The following TOMM70 variants were observed in gnomAD, a reference collection of about 807,000 sequenced individuals.
The protein encoded by TOMM70 is mitochondrial import receptor subunit TOM70.
Under a neutral mutation model 73.6 loss-of-function variants are expected in TOMM70, and 13 were observed. The observed-to-expected ratio is 0.18, with a 90% CI of 0.11 to 0.28. TOMM70 has a LOEUF of 0.28. Ranked by LOEUF, TOMM70 falls within the 10% of genes least tolerant of loss-of-function variation. TOMM70 has a pLI of 1.00. For synonymous variants in TOMM70, 257 were observed against 271.2 expected (o/e 0.95, Z 0.51); for missense variants, 609 against 747.5 (o/e 0.81, Z 2.16).
intron 5 of TOMM70, among the ~76,000 whole-genome samples, chr3:100,378,924 A>G (rs1026003511): frequency 1.3e-5 from 2 of 151,978 alleles, no homozygotes; most frequent in African/African-American, 2.4e-5. Flanking sequence ...GGAGAATGGC[A>G]TGAACCCGGG....
In TOMM70 at chr3:100,400,624, AC is replaced by A; in HGVS notation, c.324+1del. On this transcript the variant is annotated splice_donor_variant, in intron 1 of 11. Coordinates refer to ENST00000284320, the MANE Select transcript of TOMM70 (RefSeq NM_014820.5). LOFTEE classifies it high-confidence loss of function. ...CCTCTACGGCCTGGGGCTGCTTCTC[AC>A]CATGTCCAAGTGAGCACCGGGACCT... The A allele has an allele frequency of 6.2e-7, 1 of 1,609,738 alleles. No homozygotes were observed. The highest frequency in any genetic ancestry group is 8.5e-7 in the Non-Finnish European group (1 of 1,178,616).
At chr3:100,371,225 A>G (rs1400581097) in intron 9 of TOMM70, among the ~76,000 whole-genome samples, 4 of 151,830 alleles carry the variant, frequency 2.6e-5, no homozygotes, top group African/African-American at 9.7e-5. Flanking sequence ...CATCCTTAAG[A>G]ATGGTTTAAG....
In TOMM70 at chr3:100,372,613, T is replaced by C. The variant is rs762819662; in HGVS notation, c.1445A>G (p.Tyr482Cys). Residue 482 changes from tyrosine (Y) to cysteine (C), a missense_variant, in exon 9 of 12, where the codon TAC becomes TGC. Physicochemically the swap from Tyr to Cys is radical, Grantham distance 194. Coordinates refer to ENST00000284320, the MANE Select transcript of TOMM70 (RefSeq NM_014820.5). ...FPRCAEGYALYAQALTDQQQF... is the reference protein window; with the variant it reads ...FPRCAEGYALCAQALTDQQQF... The stretch of plus-strand genomic sequence containing the variant: ...ACCTGAAAAAACATTTACCTGGGCG[T>C]ATAGTGCATAGCCTTCGGCACACCT... 2 of 1,610,778 alleles carry C rather than the reference T, an allele frequency of 1.2e-6. No individual in the cohort carries two copies. Among genetic ancestry groups the C allele is most frequent in the Non-Finnish European group, 1.7e-6 (2 of 1,178,446 alleles).
chr3:100,363,669 T>C lies in TOMM70; in HGVS notation c.*1895A>G, dbSNP rs1012134438. On this transcript the variant is annotated 3_prime_UTR_variant, in exon 12 of 12. Coordinates refer to ENST00000284320, the MANE Select transcript of TOMM70 (RefSeq NM_014820.5). ...CCCAAGATGAAAGAAGGGAGAAGAG[T>C]AGAAGAAAATGTCAGTGTTAATGTA... 6.6e-6 allele frequency: 1 copy of C among 152,366 alleles called. No individual in the cohort carries two copies. Among genetic ancestry groups the C allele is most frequent in the African/African-American group, 2.4e-5 (1 of 41,354 alleles). The allele number at this position is 152,366 out of a possible 1,614,324, so 9.4% of individuals were successfully genotyped here.
In TOMM70 at chr3:100,372,717, G is replaced by A. The variant is rs772926314; in HGVS notation, c.1341C>T (p.Arg447=). The change falls in exon 9 of 12, where the codon CGC becomes CGT. Residue 447 remains arginine, a synonymous_variant. Transcript: ENST00000284320. ...AQAQKCFALY[R]QAYTGNNSSQ... ...AAGAGTTGTTTCCCGTATATGCCTGGCGGTACTATAAAAAATCAAAACAGG... is the reference window on the plus strand; with the variant it reads ...AAGAGTTGTTTCCCGTATATGCCTGACGGTACTATAAAAAATCAAAACAGG... 6 of 1,612,444 alleles carry A rather than the reference G, an allele frequency of 3.7e-6. No homozygotes were observed. Among genetic ancestry groups the A allele is most frequent in the African/African-American group, 1.3e-5 (1 of 74,936 alleles).
intron 8 of TOMM70, among the ~76,000 whole-genome samples, chr3:100,373,021 GTCATTT>G (rs1199256957): frequency 6.6e-6 from 1 of 151,234 alleles, no homozygotes; most frequent in Non-Finnish European, 1.5e-5. Flanking sequence ...TAAAATTTTT[GTCATTT>G]TCATTTATAA....
At chr3:100,390,740 A>G (rs1370648275) in intron 1 of TOMM70, among the ~76,000 whole-genome samples, 1 of 151,982 alleles carries the variant, frequency 6.6e-6, no homozygotes, top group East Asian at 1.9e-4. Flanking sequence ...GAGTCAGGAG[A>G]ATCACGCGAA....
intron 1 of TOMM70, among the ~76,000 whole-genome samples, chr3:100,395,179 C>T (rs1706808972): frequency 6.6e-6 from 1 of 152,058 alleles, no homozygotes; most frequent in African/African-American, 2.4e-5. Flanking sequence ...ACCATCCTGG[C>T]TAACATGGTG....
At chr3:100,393,723 T>C (rs1424543146) in intron 1 of TOMM70, among the ~76,000 whole-genome samples, 1 of 152,240 alleles carries the variant, frequency 6.6e-6, no homozygotes, top group Non-Finnish European at 1.5e-5. Context: ...ACAGGTTACA[T>C]TTTGAAATGA....
intron 1 of TOMM70, among the ~76,000 whole-genome samples, chr3:100,387,643 C>CT (rs112940589): frequency 0.95 from 129,193 of 135,582 alleles, 61,614 homozygotes; most frequent in East Asian, 0.99. Flanking sequence ...CACGTATATA[C>CT]TTTTTTTTTT....
chr3:100,395,871 C>T (rs1262881718), intron 1 of TOMM70, among the ~76,000 whole-genome samples: 1 of 152,036 alleles, frequency 6.6e-6, no homozygotes, highest in Admixed American at 6.6e-5. Flanking sequence ...TCTAGTACCA[C>T]GTGGTAAGTG....
Position 100,365,262 on chromosome 3 carries a change from TCAA to T in TOMM70, c.*299_*301del, listed in dbSNP as rs1706436411. On this transcript the variant is annotated 3_prime_UTR_variant, in exon 12 of 12. Transcript: ENST00000284320. ...CTGCCAACCCCCCTTAAAAAAAAAA[TCAA>T]CAAATCAGTTTTTATTTGCATGGCC... 4 of 273,196 alleles carry T rather than the reference TCAA, an allele frequency of 1.5e-5. No individual in the cohort carries two copies. Among genetic ancestry groups the T allele is most frequent in the African/African-American group, 6.5e-5 (3 of 46,396 alleles). The allele number at this position is 273,196 out of a possible 1,614,324, so 16.9% of individuals were successfully genotyped here.
Position 100,365,578 on chromosome 3 carries a change from G to A in TOMM70, c.1813C>T (p.Pro605Ser). The A allele has an allele frequency of 6.2e-7, 1 of 1,614,166 alleles. No individual in the cohort carries two copies. Among genetic ancestry groups the A allele is most frequent in the Non-Finnish European group, 8.5e-7 (1 of 1,180,016 alleles). ...TEVAKKYGLK[P>S]PTL The stretch of plus-strand genomic sequence containing the variant: ...TTCCCCCTGTTTTATAATGTTGGTG[G>A]TTTTAATCCGTATTTCTTTGCAACT... Residue 605 changes from proline to serine, a missense_variant, in exon 12 of 12, where the codon CCA becomes TCA. Pro to Ser is a moderately conservative substitution (Grantham distance 74, BLOSUM62 -1). Transcript: ENST00000284320.
At chr3:100,396,459 A>C (rs1164018542) in intron 1 of TOMM70, among the ~76,000 whole-genome samples, 1 of 152,208 alleles carries the variant, frequency 6.6e-6, no homozygotes, top group Non-Finnish European at 1.5e-5. Context: ...AGTTACAATG[A>C]AGTCAATAAT....
At chr3:100,388,286 T>G (rs1299707024) in intron 1 of TOMM70, among the ~76,000 whole-genome samples, 1 of 152,138 alleles carries the variant, frequency 6.6e-6, no homozygotes, top group African/African-American at 2.4e-5. Flanking sequence ...AGTTGTGGGC[T>G]CTGGGGGGCA....
intron 1 of TOMM70, among the ~76,000 whole-genome samples, chr3:100,398,662 AG>A (rs1407354154): frequency 6.6e-6 from 1 of 152,222 alleles, no homozygotes; most frequent in Admixed American, 6.5e-5. Context: ...ATCAATTTTT[AG>A]TACTGAAAGA....
intron 8 of TOMM70, among the ~76,000 whole-genome samples, chr3:100,373,086 G>A (rs1706527838): frequency 1.3e-5 from 2 of 148,660 alleles, no homozygotes; most frequent in African/African-American, 2.5e-5. Context: ...ATTCTTTTAC[G>A]ACTCCAGCCA....
rs1317685405 is a variant in TOMM70 at position 100,363,638 on chromosome 3, C to T, written c.*1926G>A. Reference sequence around the variant, plus strand: ...CTTCAGTTTCCTTTGTGTTTCTCTACCCAACCCCAAGATGAAAGAAGGGAG... The same window carrying T: ...CTTCAGTTTCCTTTGTGTTTCTCTATCCAACCCCAAGATGAAAGAAGGGAG... On this transcript the variant is annotated 3_prime_UTR_variant, in exon 12 of 12. Coordinates refer to ENST00000284320, the MANE Select transcript of TOMM70 (RefSeq NM_014820.5). The T allele has an allele frequency of 6.6e-6, 1 of 152,546 alleles. No individual in the cohort carries two copies. Among genetic ancestry groups the T allele is most frequent in the African/African-American group, 2.4e-5 (1 of 41,410 alleles). The allele number at this position is 152,546 out of a possible 1,614,324, so 9.4% of individuals were successfully genotyped here.
At chr3:100,368,397 C>A (rs1367097372) in intron 10 of TOMM70, among the ~76,000 whole-genome samples, 2 of 152,126 alleles carry the variant, frequency 1.3e-5, no homozygotes, top group Non-Finnish European at 2.9e-5. Context: ...TATTACCAAT[C>A]TTGCATCCCT....
Sources: allele counts gnomAD v4.1 joint callset (sites outside exome capture counted in the v4.1 genomes callset), GRCh38; gene constraint gnomAD v4.1.1; transcripts MANE v1.5; gene names NCBI Gene and HGNC (gene_info 2026-07-23, HGNC 2026-07-21).